The following LAP3 variants were observed in gnomAD, a reference collection of about 807,000 sequenced individuals.
LAP3 encodes leucine aminopeptidase 3.
A neutral mutation model predicts 58.8 loss-of-function variants in LAP3; 46 were observed. The observed-to-expected ratio is 0.78, with a 90% CI of 0.62 to 1.00. The LOEUF is 1.00. Among genes scored for constraint, LAP3 ranks in the 50% least tolerant of loss-of-function variants. The probability of loss-of-function intolerance (pLI) is 0.00; values close to 1 mark genes in which losing one functional copy is unlikely to be tolerated. For missense variants in LAP3, 615 were observed against 659.1 expected, an observed-to-expected ratio of 0.93 and a Z score of 0.73; for synonymous variants, 257 against 237.7, an observed-to-expected ratio of 1.08 and a Z score of -0.75.
intron 11 of LAP3, 63 bp downstream of exon 11, chr4:17,604,730 A>G (rs936633431): frequency 3.2e-6 from 4 of 1,261,664 alleles, no homozygotes; most frequent in East Asian, 4.7e-5. Context: ...TAGCCTTAGA[A>G]GGATAGACTT....
chr4:17,599,876 C>T lies in LAP3; in HGVS notation c.1180+1318C>T, dbSNP rs77569619. Among the ~76,000 whole-genome samples, 486 of 152,272 alleles carry T rather than the reference C, an allele frequency of 3.2e-3. 8 individuals carry two copies. The highest frequency in any genetic ancestry group is 0.031 in the South Asian group (150 of 4,832). ...CTGTGCCACTTACTAGTCAGTTAGC[C>T]GTGGGCAAGTTTCTTGGCCCTTTTG... On this transcript the variant is annotated intron_variant, in intron 10 of 12. Coordinates refer to ENST00000226299, the MANE Select transcript of LAP3 (RefSeq NM_015907.3).
Position 17,585,030 on chromosome 4 carries a change from C to A in LAP3, c.598C>A (p.Arg200Ser). 1.9e-6 allele frequency: 3 copies of A among 1,614,068 alleles called. No homozygotes were observed. The highest frequency in any genetic ancestry group is 2.5e-6 in the Non-Finnish European group (3 of 1,179,982). Residue 200 changes from arginine (R) to serine (S), a missense_variant, in exon 6 of 13, where the codon CGC (arginine) becomes AGC (serine). By Grantham distance (110) the Arg-to-Ser change is moderately radical. Coordinates refer to ENST00000226299, the MANE Select transcript of LAP3 (RefSeq NM_015907.3). ...VLFASGQNLARQLMETPANEM... is the reference protein window; with the variant it reads ...VLFASGQNLASQLMETPANEM... ...GTTTGCTTCTGGGCAGAACTTGGCA[C>A]GCCAATTGATGGAGACGCCAGCCAA...
rs376220774 is a variant in LAP3, at chr4:17,577,529, T to G, written c.64T>G (p.Phe22Val). The change falls in exon 1 of 13, where the codon TTC becomes GTC. Residue 22 changes from phenylalanine to valine, a missense_variant. Physicochemically the swap from Phe to Val is conservative, Grantham distance 50. Coordinates refer to ENST00000226299, the MANE Select transcript of LAP3 (RefSeq NM_015907.3). Reference sequence around the variant, plus strand: ...CGTCCGACGTCTGGCCGTGAGACGTTTCGGGAGCCGGAGTCTCTCCACCGC... The same window carrying G: ...CGTCCGACGTCTGGCCGTGAGACGTGTCGGGAGCCGGAGTCTCTCCACCGC... ...VVVRRLAVRR[F>V]GSRSLSTADM... 2 of 1,580,018 alleles carry G rather than the reference T, an allele frequency of 1.3e-6. No individual in the cohort carries two copies. The highest frequency in any genetic ancestry group is 1.7e-6 in the Non-Finnish European group (2 of 1,164,574).
intron 2 of LAP3, among the ~76,000 whole-genome samples, chr4:17,580,184 AT>A (rs1553880888): frequency 0.01 from 404 of 40,212 alleles, 62 homozygotes; most frequent in South Asian, 0.053. Context: ...ATATATATGT[AT>A]TTTTTTTTTT....
intron 6 of LAP3, among the ~76,000 whole-genome samples, chr4:17,586,944 A>G (rs543029459): frequency 6.6e-6 from 1 of 152,310 alleles, no homozygotes; most frequent in East Asian, 1.9e-4. Context: ...CATCTCTACT[A>G]AAAGTACAAA....
chr4:17,595,442 T>C lies in LAP3; in HGVS notation c.896T>C (p.Met299Thr), dbSNP rs1159016084. Residue 299 changes from methionine to threonine, a missense_variant, in exon 8 of 13, where the codon ATG (methionine) becomes ACG (threonine). By Grantham distance (81) the Met-to-Thr change is moderately conservative. Transcript: ENST00000226299. ...ATCTCCATCAAGGCTTCTGCAAATA[T>C]GGACCTCATGAGGGCTGACATGGGA... ...GGISIKASAN[M>T]DLMRADMGGA... 3.7e-6 allele frequency: 6 copies of C among 1,614,026 alleles called. No homozygotes were observed. The highest frequency in any genetic ancestry group is 2.2e-5 in the East Asian group (1 of 44,814).
chr4:17,583,692 G>T (rs758232074), intron 5 of LAP3, 50 bp downstream of exon 5: 1 of 1,607,226 alleles, frequency 6.2e-7, no homozygotes, highest in Non-Finnish European at 8.5e-7. Flanking sequence ...CGTTCTGACA[G>T]CCTGGCTTTT....
rs889425838 is a variant in LAP3 at position 17,577,589 on chromosome 4, A to G, written c.102+22A>G. ...GAAGGTGAGAGGCGGCGGCTCGCTC[A>G]TGGTCCGCCGCTGGGGCCCTGCCCG... is the stretch of plus-strand genomic sequence containing the variant. On this transcript the variant is annotated intron_variant, in intron 1 of 12. Transcript: ENST00000226299. 2.6e-6 allele frequency: 4 copies of G among 1,516,834 alleles called. No individual in the cohort carries two copies. In the South Asian group the frequency reaches 3.7e-5, roughly 14 times the overall value. The allele number at this position is 1,516,834 out of a possible 1,614,324, so 94.0% of individuals were successfully genotyped here.
chr4:17,600,416 T>A (rs1456467937), intron 10 of LAP3, among the ~76,000 whole-genome samples: 1 of 133,266 alleles, frequency 7.5e-6, no homozygotes, highest in Non-Finnish European at 1.7e-5. Context: ...GGGTGGGGGG[T>A]TGGGGGAGGC....
chr4:17,603,813 CT>C (rs563546560), intron 10 of LAP3, among the ~76,000 whole-genome samples: 3,648 of 100,936 alleles, frequency 0.036, 160 homozygotes, highest in Admixed American at 0.14. Flanking sequence ...TGCGCCTGGC[CT>C]TTTTTTTTTT....
chr4:17,607,630 A>T lies in LAP3; in HGVS notation c.*41A>T. 3 of 1,434,184 alleles carry T rather than the reference A, an allele frequency of 2.1e-6. No homozygotes were observed. Among genetic ancestry groups the T allele is most frequent in the Non-Finnish European group, 2.8e-6 (3 of 1,065,426 alleles). 88.8% of individuals were successfully genotyped at this position (1,434,184 alleles called of 1,614,324 possible). A position where few individuals can be genotyped will look rare whatever the true frequency, so the allele number is the denominator to read the frequency against. On this transcript the variant is annotated 3_prime_UTR_variant, in exon 13 of 13. Transcript: ENST00000226299. ...ATGTCTTCACTCTGTCTTAAATTGG[A>T]CAGTTGAACTTAAAAGGTTTTTGAA...
rs115577943 is a variant in LAP3 at position 17,577,908 on chromosome 4, G to A, written c.102+341G>A. 4.6e-3 allele frequency among the ~76,000 whole-genome samples: 706 copies of A among 152,306 alleles called. 2 individuals are homozygous for A. Among genetic ancestry groups the A allele is most frequent in the Non-Finnish European group, 7.8e-3 (528 of 68,026 alleles). Reference sequence around the variant, plus strand: ...GGTGGGGCTCCCATCCGAGCTTGGAGGAAGCCCGAGTTTGCCAAGGTGAAA... The same window carrying A: ...GGTGGGGCTCCCATCCGAGCTTGGAAGAAGCCCGAGTTTGCCAAGGTGAAA... On this transcript the variant is annotated intron_variant, in intron 1 of 12. Coordinates refer to ENST00000226299, the MANE Select transcript of LAP3 (RefSeq NM_015907.3).
intron 10 of LAP3, among the ~76,000 whole-genome samples, chr4:17,599,304 CGA>C (rs1263983402): frequency 3.9e-5 from 6 of 152,114 alleles, no homozygotes; most frequent in Admixed American, 3.9e-4. Flanking sequence ...TTTGGGAGTC[CGA>C]GGCAGATGGA....
intron 6 of LAP3, chr4:17,586,034 A>G (rs1276787129): frequency 6.6e-6 from 1 of 152,214 alleles, no homozygotes; most frequent in African/African-American, 2.4e-5. Flanking sequence ...CTAACTAGAC[A>G]TGGGATGAGA....
Position 17,577,508 on chromosome 4 carries a change from C to T in LAP3, c.43C>T (p.Arg15Ter). The change falls in exon 1 of 13, where the codon CGA (arginine) becomes TGA (stop). Residue 15 changes from arginine to a stop codon, truncating the protein, a stop_gained. Coordinates refer to ENST00000226299, the MANE Select transcript of LAP3 (RefSeq NM_015907.3). LOFTEE classifies it high-confidence loss of function. Reference protein sequence around the residue: ...PLPAAGRVVVRRLAVRRFGSR... With the variant: ...PLPAAGRVVV Reference sequence around the variant, plus strand: ...TCCGGCTGCGGGGCGAGTAGTCGTCCGACGTCTGGCCGTGAGACGTTTCGG... The same window carrying T: ...TCCGGCTGCGGGGCGAGTAGTCGTCTGACGTCTGGCCGTGAGACGTTTCGG... 2 of 1,586,538 alleles carry T rather than the reference C, an allele frequency of 1.3e-6. No homozygotes were observed. The highest frequency in any genetic ancestry group is 1.7e-6 in the Non-Finnish European group (2 of 1,168,260).
intron 10 of LAP3, among the ~76,000 whole-genome samples, chr4:17,599,275 A>G (rs1713930105): frequency 6.6e-6 from 1 of 152,188 alleles, no homozygotes; most frequent in South Asian, 2.1e-4. Flanking sequence ...GCGGTGGCTC[A>G]CACCTGTAAT....
At chr4:17,585,435 ATTTT>A (rs201860192) in intron 6 of LAP3, 92 of 149,124 alleles carry the variant, frequency 6.2e-4, no homozygotes, top group South Asian at 2.8e-3. Flanking sequence ...CAATTCAGTG[ATTTT>A]TTTTTTTTTT....
intron 7 of LAP3, 52 bp from the exon 8 acceptor site, chr4:17,595,358 T>C: frequency 1.9e-6 from 3 of 1,595,418 alleles, no homozygotes; most frequent in Non-Finnish European, 2.6e-6. Flanking sequence ...AATAAAGTGA[T>C]TTTGGCCATC....
chr4:17,587,075 C>T (rs1713534979), intron 6 of LAP3, among the ~76,000 whole-genome samples: 1 of 152,202 alleles, frequency 6.6e-6, no homozygotes, highest in Non-Finnish European at 1.5e-5. Flanking sequence ...CGCTGCACTC[C>T]AGCCTGGGCG....
Sources: allele counts gnomAD v4.1 joint callset (sites outside exome capture counted in the v4.1 genomes callset), GRCh38; gene constraint gnomAD v4.1.1; transcripts MANE v1.5; gene names NCBI Gene and HGNC (gene_info 2026-07-23, HGNC 2026-07-21).